The following TUSC3 variants were observed in gnomAD, a reference collection of about 807,000 sequenced individuals.
TUSC3 encodes tumor suppressor candidate 3, also known as dolichyl-diphosphooligosaccharide--protein glycosyltransferase subunit TUSC3.
TUSC3 carries 45 observed loss-of-function variants against 44.8 expected under a neutral mutation model. The ratio of observed to expected loss-of-function variants is 1.00; its 90% CI spans 0.79 to 1.29. TUSC3 has a LOEUF of 1.29. Among genes scored for constraint, TUSC3 ranks in the 50% most tolerant of loss-of-function variants. The pLI is 0.00. For synonymous variants in TUSC3, 212 were observed against 152.9 expected (o/e 1.39, Z -2.85); for missense variants, 519 against 437.9 (o/e 1.19, Z -1.65).
chr8:15,722,845 TCTTA>T (rs771186514), intron 6 of TUSC3, among the ~76,000 whole-genome samples: 6 of 152,186 alleles, frequency 3.9e-5, no homozygotes, highest in African/African-American at 9.6e-5. Context: ...AAAAAACCCT[TCTTA>T]CTTGTGAGAA....
At chr8:15,702,858 G>A (rs560841971) in intron 6 of TUSC3, among the ~76,000 whole-genome samples, 5 of 152,088 alleles carry the variant, frequency 3.3e-5, no homozygotes, top group African/African-American at 1.2e-4. Context: ...AGAAACTCAT[G>A]GTCCACTTGG....
intron 6 of TUSC3, among the ~76,000 whole-genome samples, chr8:15,713,829 G>A (rs1809956875): frequency 1.3e-5 from 2 of 152,092 alleles, no homozygotes; most frequent in Admixed American, 6.6e-5. Context: ...TTTGGACTTA[G>A]GCATTTTTGG....
At chr8:15,437,177 A>G (rs1285033242) in intron 1 of TUSC3, among the ~76,000 whole-genome samples, 1 of 152,218 alleles carries the variant, frequency 6.6e-6, no homozygotes, top group Non-Finnish European at 1.5e-5. Context: ...TTAGTCCCAT[A>G]GTAATTGTAT....
At chr8:15,436,074 T>A (rs1278616858) in intron 1 of TUSC3, among the ~76,000 whole-genome samples, 4 of 152,166 alleles carry the variant, frequency 2.6e-5, no homozygotes, top group Non-Finnish European at 5.9e-5. Context: ...CTCATTCACA[T>A]ACCTGGTACT....
intron 1 of TUSC3, among the ~76,000 whole-genome samples, chr8:15,620,521 G>T (rs560720517): frequency 2.2e-4 from 33 of 152,100 alleles, no homozygotes; most frequent in African/African-American, 7.7e-4. Context: ...GAAAAATGAC[G>T]TATATATATT....
At chr8:15,632,469 G>T (rs1200322506) in intron 2 of TUSC3, among the ~76,000 whole-genome samples, 1 of 152,150 alleles carries the variant, frequency 6.6e-6, no homozygotes, top group Admixed American at 6.5e-5. Flanking sequence ...TAGGGTGATG[G>T]TTGTCAGATC....
Position 15,515,943 on chromosome 8 carries a change from A to G in TUSC3, n.189+32460A>G, listed in dbSNP as rs181622340. ...CTTGGCCTCCTAAAGTGCTGGGATT[A>G]GAGGCATGAGCCACCATGCCGGGCC... On this transcript the variant is annotated intron_variant and non_coding_transcript_variant, in intron 2 of 5. Coordinates refer to the TUSC3 transcript ENST00000503191. 2.8e-3 allele frequency among the ~76,000 whole-genome samples: 419 copies of G among 152,292 alleles called. 1 individual carries two copies. Among genetic ancestry groups the G allele is most frequent in the Middle Eastern group, 0.014 (4 of 294 alleles).
intron 1 of TUSC3, among the ~76,000 whole-genome samples, chr8:15,572,108 A>G (rs1802900887): frequency 6.6e-6 from 1 of 152,128 alleles, no homozygotes; most frequent in African/African-American, 2.4e-5. Flanking sequence ...CTTTCAAACC[A>G]GGCATCGACT....
intron 1 of TUSC3, among the ~76,000 whole-genome samples, chr8:15,562,009 C>T (rs191895618): frequency 1.6e-4 from 24 of 152,302 alleles, no homozygotes; most frequent in East Asian, 9.7e-4. Context: ...TGTTCCTATT[C>T]GGCCATCTTG....
At chr8:15,793,920 T>C in the TUSC3 span, among the ~76,000 whole-genome samples, 57 of 152,266 alleles carry the variant, frequency 3.7e-4, 1 homozygote, top group African/African-American at 1.3e-3. Context: ...CTTAGTGTGT[T>C]TGAGGAAACC....
intron 6 of TUSC3, among the ~76,000 whole-genome samples, chr8:15,728,625 G>A (rs2129207305): frequency 6.6e-6 from 1 of 152,280 alleles, no homozygotes; most frequent in Non-Finnish European, 1.5e-5. Context: ...GCAGGTGCTG[G>A]GATAGAAAGG....
At chr8:15,612,903 C>T (rs1804822301) in intron 1 of TUSC3, among the ~76,000 whole-genome samples, 2 of 152,018 alleles carry the variant, frequency 1.3e-5, no homozygotes, top group Admixed American at 6.6e-5. Context: ...CCAGTCTAGA[C>T]TTCAGAATCT....
intron 2 of TUSC3, among the ~76,000 whole-genome samples, chr8:15,491,021 T>C (rs1399708789): frequency 6.6e-6 from 1 of 152,196 alleles, no homozygotes; most frequent in Non-Finnish European, 1.5e-5. Flanking sequence ...TTGCTTCCTT[T>C]TGAGTTTCTG....
At chr8:15,705,833 C>A (rs1273276152) in intron 6 of TUSC3, among the ~76,000 whole-genome samples, 2 of 152,040 alleles carry the variant, frequency 1.3e-5, no homozygotes, top group Non-Finnish European at 2.9e-5. Flanking sequence ...CTCATCCCCT[C>A]CTTCATGCTT....
chr8:15,462,355 G>T (rs757388478), intron 1 of TUSC3, among the ~76,000 whole-genome samples: 1 of 151,984 alleles, frequency 6.6e-6, no homozygotes, highest in Non-Finnish European at 1.5e-5. Flanking sequence ...CAAAGTATCT[G>T]AAAAGACATT....
chr8:15,570,057 A>T (rs1802814195), intron 1 of TUSC3, among the ~76,000 whole-genome samples: 1 of 152,082 alleles, frequency 6.6e-6, no homozygotes, highest in Non-Finnish European at 1.5e-5. Flanking sequence ...TTTTGCTCAA[A>T]TAAAACCTTC....
the TUSC3 span, among the ~76,000 whole-genome samples, chr8:15,813,048 C>T: frequency 2.6e-5 from 4 of 152,150 alleles, no homozygotes; most frequent in East Asian, 3.9e-4. Context: ...GAGCTGAGAT[C>T]GCGCCACTGC....
At chr8:15,803,743 T>C in the TUSC3 span, among the ~76,000 whole-genome samples, 2 of 152,090 alleles carry the variant, frequency 1.3e-5, no homozygotes, top group Admixed American at 1.3e-4. Flanking sequence ...CCCAGTGGTG[T>C]TCCCCTCCCT....
chr8:15,568,155 C>G (rs1004001943), intron 1 of TUSC3, among the ~76,000 whole-genome samples: 1 of 152,092 alleles, frequency 6.6e-6, no homozygotes, highest in East Asian at 1.9e-4. Flanking sequence ...GCTCATTGGC[C>G]TGTGAAATTG....
Sources: allele counts gnomAD v4.1 joint callset (sites outside exome capture counted in the v4.1 genomes callset), GRCh38; gene constraint gnomAD v4.1.1; transcripts MANE v1.5; gene names NCBI Gene and HGNC (gene_info 2026-07-23, HGNC 2026-07-21).